MYO6: variants seen among roughly 807,000 people sequenced by gnomAD.
MYO6 encodes myosin VI.
Under a neutral mutation model 178.7 loss-of-function variants are expected in MYO6, and 74 were observed. The ratio of observed to expected loss-of-function variants is 0.41; its 90% CI spans 0.34 to 0.50. The LOEUF (loss-of-function observed/expected upper bound fraction) is 0.50. MYO6 is among the 20% of genes least tolerant of loss of function. The probability of loss-of-function intolerance (pLI) is 0.09; values close to 1 mark genes in which losing one functional copy is unlikely to be tolerated. For synonymous variants in MYO6, 477 were observed against 504.6 expected, an observed-to-expected ratio of 0.95 and a Z score of 0.73; for missense variants, 1,330 against 1,547.4, an observed-to-expected ratio of 0.86 and a Z score of 2.36.
Position 75,817,588 on chromosome 6 carries a change from A to C in MYO6, c.41A>C (p.Asp14Ala), listed in dbSNP as rs1771407133. 6.2e-7 allele frequency: 1 copy of C among 1,614,126 alleles called. No homozygotes were observed. Among genetic ancestry groups the C allele is most frequent in the Admixed American group, 1.7e-5 (1 of 60,008 alleles). The change falls in exon 2 of 35, where the codon GAT becomes GCT. Residue 14 changes from aspartate to alanine, a missense_variant. By Grantham distance (126) the Asp-to-Ala change is moderately radical (BLOSUM62 -2). This residue lies in a region of MYO6 where 116 missense variants were observed against 104.6 expected (regional missense o/e 1.11). Transcript: ENST00000369977. ...CCCGTTTGGGCGCCACACCCTACAG[A>C]TGGATTTCAGATGGGCAATATTGTG... is the stretch of plus-strand genomic sequence containing the variant. Reference protein sequence around the residue: ...GKPVWAPHPTDGFQMGNIVDI... With the variant: ...GKPVWAPHPTAGFQMGNIVDI...
chr6:75,834,530 G>C lies in MYO6; in HGVS notation c.498-1371G>C, dbSNP rs1386401519. On this transcript the variant is annotated intron_variant, in intron 6 of 34. Coordinates refer to ENST00000369977, the MANE Select transcript of MYO6 (RefSeq NM_004999.4). ...TTACAGGCATGAGCCACCATGCCTGGCCTTACACTTTGTTTAGAATTATAG... is the reference window on the plus strand; with the variant it reads ...TTACAGGCATGAGCCACCATGCCTGCCCTTACACTTTGTTTAGAATTATAG... 2.0e-5 allele frequency among the ~76,000 whole-genome samples: 3 copies of C among 152,090 alleles called. No individual in the cohort carries two copies. The East Asian group carries it at 5.8e-4, about 29-fold the overall frequency.
At chr6:75,773,301 G>A (rs1008575190) in intron 1 of MYO6, among the ~76,000 whole-genome samples, 1 of 152,152 alleles carries the variant, frequency 6.6e-6, no homozygotes, top group African/African-American at 2.4e-5. Flanking sequence ...ACTCAACTCT[G>A]CAGCTGAACC....
intron 1 of MYO6, among the ~76,000 whole-genome samples, chr6:75,786,635 A>G (rs571998081): frequency 1.3e-5 from 2 of 152,200 alleles, no homozygotes; most frequent in East Asian, 3.9e-4. Flanking sequence ...TTAATTTCAT[A>G]TTTCCAGAAG....
At chr6:75,772,454 T>C (rs1310675507) in intron 1 of MYO6, among the ~76,000 whole-genome samples, 1 of 152,230 alleles carries the variant, frequency 6.6e-6, no homozygotes, top group African/African-American at 2.4e-5. Context: ...TTTGAGTGCT[T>C]GGTTAGGTTT....
intron 16 of MYO6, 25 bp from the exon 17 acceptor site, chr6:75,866,501 A>G (rs1310324138): frequency 1.3e-6 from 2 of 1,519,716 alleles, no homozygotes; most frequent in African/African-American, 1.4e-5. Context: ...ATCATTTAAT[A>G]ACTCATATAT....
At position 75,841,320 on chromosome 6, in the gene MYO6, C is replaced by T; in HGVS notation, c.758C>T (p.Ala253Val). Residue 253 changes from alanine (A) to valine (V), a missense_variant, in exon 9 of 35, where the codon GCT (alanine) becomes GTT (valine). By Grantham distance (64) the Ala-to-Val change is moderately conservative. Transcript: ENST00000369977. Reference protein sequence around the residue: ...RNYHIFYRLCAGASEDIREKL... With the variant: ...RNYHIFYRLCVGASEDIREKL... ...TATCATATCTTTTATAGGTTGTGTGCTGGTGCTTCTGAAGATATTAGAGAA... is the reference window on the plus strand; with the variant it reads ...TATCATATCTTTTATAGGTTGTGTGTTGGTGCTTCTGAAGATATTAGAGAA... 6.2e-7 allele frequency: 1 copy of T among 1,613,924 alleles called. No individual in the cohort carries two copies. The highest frequency in any genetic ancestry group is 8.5e-7 in the Non-Finnish European group (1 of 1,179,954).
intron 30 of MYO6, among the ~76,000 whole-genome samples, chr6:75,903,660 A>G (rs1163622454): frequency 1.5e-4 from 23 of 151,688 alleles, no homozygotes; most frequent in Admixed American, 1.2e-3. Flanking sequence ...CAGCACACTG[A>G]TGGGTCTTGA....
intron 12 of MYO6, 100 bp from the exon 13 acceptor site, chr6:75,856,995 CTT>C (rs1775772876): frequency 2.7e-6 from 3 of 1,108,548 alleles, no homozygotes; most frequent in Admixed American, 2.0e-5. Flanking sequence ...TTTGGTAACT[CTT>C]TATTTTGTTC....
intron 26 of MYO6, among the ~76,000 whole-genome samples, chr6:75,890,919 T>C (rs1217645541): frequency 6.6e-6 from 1 of 152,198 alleles, no homozygotes; most frequent in African/African-American, 2.4e-5. Flanking sequence ...AGAGAACAGA[T>C]GAGTTGTTGA....
At chr6:75,835,430 A>G (rs1008016088) in intron 6 of MYO6, among the ~76,000 whole-genome samples, 2 of 151,500 alleles carry the variant, frequency 1.3e-5, no homozygotes, top group African/African-American at 4.9e-5. Flanking sequence ...GTACCACCAA[A>G]TATATATATA....
intron 1 of MYO6, among the ~76,000 whole-genome samples, chr6:75,760,381 C>A (rs1017993857): frequency 6.6e-6 from 1 of 152,044 alleles, no homozygotes; most frequent in Non-Finnish European, 1.5e-5. Flanking sequence ...AAGTAATACT[C>A]CCCCCAAAAC....
At chr6:75,786,331 C>T (rs1767566117) in intron 1 of MYO6, among the ~76,000 whole-genome samples, 2 of 152,114 alleles carry the variant, frequency 1.3e-5, no homozygotes, top group African/African-American at 2.4e-5. Flanking sequence ...TCTTTTCTTC[C>T]TGTCTAGGTC....
chr6:75,911,733 G>A, intron 33 of MYO6, 35 bp downstream of exon 33: 2 of 1,598,300 alleles, frequency 1.3e-6, no homozygotes, highest in Non-Finnish European at 1.7e-6. Context: ...GAGCTAACTG[G>A]AAGATGGGTT....
chr6:75,811,977 T>G (rs1770736986), intron 1 of MYO6, among the ~76,000 whole-genome samples: 1 of 152,098 alleles, frequency 6.6e-6, no homozygotes, highest in Non-Finnish European at 1.5e-5. Context: ...TGTTAGAAAG[T>G]GGTGGAGCTG....
intron 3 of MYO6, among the ~76,000 whole-genome samples, chr6:75,824,140 A>G (rs1282376207): frequency 6.6e-6 from 1 of 152,238 alleles, no homozygotes; most frequent in African/African-American, 2.4e-5. Context: ...ATGTCTCTAA[A>G]TGTGACAAAT....
intron 14 of MYO6, 75 bp from the exon 15 acceptor site, chr6:75,860,948 T>C (rs1315153780): frequency 5.5e-6 from 6 of 1,097,682 alleles, no homozygotes; most frequent in Non-Finnish European, 7.0e-6. Flanking sequence ...TAGCAAATGT[T>C]ATGTTCAGAA....
intron 7 of MYO6, 76 bp from the exon 8 acceptor site, chr6:75,840,509 A>T: frequency 2.1e-6 from 2 of 966,512 alleles, no homozygotes; most frequent in Non-Finnish European, 3.4e-6. Context: ...TATATTAACA[A>T]ATGGAGATAT....
rs757287964 is a variant in MYO6, at chr6:75,892,503, G to A, written c.2947-27G>A. ...TCAAGTAAACAAGTGAAGAACTCTT[G>A]GTGAAATAGCTTTCTGCCCTTGTCA... On this transcript the variant is annotated intron_variant, in intron 27 of 34. Transcript: ENST00000369977. The A allele has an allele frequency of 1.2e-5, 20 of 1,613,886 alleles. 1 individual carries two copies. In the Admixed American group the frequency reaches 3.3e-4, roughly 27 times the overall value.
At position 75,803,666 on chromosome 6, in the gene MYO6, T is replaced by C. The variant is rs554200719; in HGVS notation, c.-47-13835T>C. Among the ~76,000 whole-genome samples the C allele has an allele frequency of 3.3e-5, 5 of 152,352 alleles. No homozygotes were observed. The South Asian group carries it at 1.0e-3, about 32-fold the overall frequency. ...AATTGTGGTAGTTAATTTTTAGATA[T>C]TGTTAATGTTCAGATATTTTCTTCT... On this transcript the variant is annotated intron_variant, in intron 1 of 34. Transcript: ENST00000369977.
Sources: allele counts gnomAD v4.1 joint callset (sites outside exome capture counted in the v4.1 genomes callset), GRCh38; gene constraint gnomAD v4.1.1; regional missense constraint gnomAD v4.1.1; transcripts MANE v1.5; gene names NCBI Gene and HGNC (gene_info 2026-07-23, HGNC 2026-07-21).